The following TIAM1 variants were observed in gnomAD, a reference collection of about 807,000 sequenced individuals.
TIAM1 encodes TIAM Rac1 associated GEF 1.
TIAM1 carries 65 observed loss-of-function variants against 163.5 expected under a neutral mutation model. The observed-to-expected ratio is 0.40, with a 90% CI of 0.33 to 0.49. The LOEUF is 0.49. TIAM1 is among the 20% of genes least tolerant of loss of function. The pLI is 0.77. For missense variants in TIAM1, 1,789 were observed against 2,044.7 expected, an observed-to-expected ratio of 0.87 and a Z score of 2.41; for synonymous variants, 833 against 810.1, an observed-to-expected ratio of 1.03 and a Z score of -0.48.
At chr21:31,179,108 C>T (rs1007454706) in intron 15 of TIAM1, among the ~76,000 whole-genome samples, 38 of 151,838 alleles carry the variant, frequency 2.5e-4, no homozygotes, top group African/African-American at 7.2e-4. Flanking sequence ...GCAATGTGGC[C>T]GCACACAGTG....
chr21:31,361,836 A>AC (rs1388254463), intron 2 of TIAM1, among the ~76,000 whole-genome samples: 1 of 103,232 alleles, frequency 9.7e-6, no homozygotes. Context: ...AGGAAGAAAG[A>AC]TTAGATAGAT....
chr21:31,431,712 A>C (rs577294370), intron 2 of TIAM1, among the ~76,000 whole-genome samples: 1 of 152,384 alleles, frequency 6.6e-6, no homozygotes, highest in South Asian at 2.1e-4. Context: ...CAGATGGTAC[A>C]GCCTTTTGCT....
intron 6 of TIAM1, among the ~76,000 whole-genome samples, chr21:31,231,735 G>C (rs992490791): frequency 6.6e-6 from 1 of 152,146 alleles, no homozygotes; most frequent in Admixed American, 6.6e-5. Context: ...AGAGTTATGG[G>C]CCAGGCGGAA....
At chr21:31,550,802 G>C (rs148697842) in intron 1 of TIAM1, among the ~76,000 whole-genome samples, 1 of 152,250 alleles carries the variant, frequency 6.6e-6, no homozygotes, top group African/African-American at 2.4e-5. Flanking sequence ...AGAAGATCAG[G>C]ACATCCATTT....
intron 3 of TIAM1, among the ~76,000 whole-genome samples, chr21:31,275,288 A>G (rs957461743): frequency 2.0e-5 from 3 of 152,074 alleles, no homozygotes; most frequent in Non-Finnish European, 2.9e-5. Context: ...TAATGTTTTT[A>G]TAGTAAATAC....
chr21:31,227,910 C>T (rs73353329), intron 6 of TIAM1, among the ~76,000 whole-genome samples: 3,443 of 151,704 alleles, frequency 0.023, 145 homozygotes, highest in African/African-American at 0.079. Flanking sequence ...GTTATACTCC[C>T]AGCCCTTTTT....
At chr21:31,547,934 A>T (rs971470800) in intron 1 of TIAM1, among the ~76,000 whole-genome samples, 11 of 152,158 alleles carry the variant, frequency 7.2e-5, no homozygotes, top group African/African-American at 2.7e-4. Context: ...AAAGCCCAAA[A>T]CACCTGAAAT....
intron 2 of TIAM1, among the ~76,000 whole-genome samples, chr21:31,386,776 T>C (rs2076879345): frequency 6.6e-6 from 1 of 152,192 alleles, no homozygotes. Flanking sequence ...GAGAGGTGAC[T>C]GAAACAAGGT....
chr21:31,197,701 A>T (rs1184504584), intron 12 of TIAM1, among the ~76,000 whole-genome samples: 1 of 152,178 alleles, frequency 6.6e-6, no homozygotes. Flanking sequence ...AAGATCTATC[A>T]TCAAGACAAT....
chr21:31,406,588 CT>C (rs1205454110), intron 2 of TIAM1, among the ~76,000 whole-genome samples: 1 of 152,136 alleles, frequency 6.6e-6, no homozygotes, highest in Non-Finnish European at 1.5e-5. Flanking sequence ...GTCCCAAACT[CT>C]ACGAATGCAA....
At position 31,252,109 on chromosome 21, in the gene TIAM1, C is replaced by A. The variant is rs776247592; in HGVS notation, c.1044G>T (p.Arg348Ser). Residue 348 changes from arginine (R) to serine (S), a missense_variant, in exon 5 of 28, where the codon AGG (arginine) becomes AGT (serine). Coordinates refer to ENST00000541036, the MANE Select transcript of TIAM1 (RefSeq NM_001353694.2). Reference protein sequence around the residue: ...GATTDTDLLSRRSNATNSSYS... With the variant: ...GATTDTDLLSSRSNATNSSYS... Reference sequence around the variant, plus strand: ...AGCTGGAGTTGGTGGCATTAGATCGCCTGGACAGGAGGTCCGTGTCGGTAG... The same window carrying A: ...AGCTGGAGTTGGTGGCATTAGATCGACTGGACAGGAGGTCCGTGTCGGTAG... 6.2e-7 allele frequency: 1 copy of A among 1,613,664 alleles called. No homozygotes were observed. The highest frequency in any genetic ancestry group is 2.2e-5 in the East Asian group (1 of 44,884).
At position 31,141,702 on chromosome 21, in the gene TIAM1, G is replaced by A. The variant is rs1016551097; in HGVS notation, c.3476-198C>T. Among the ~76,000 whole-genome samples, 1 of 152,098 alleles carries A rather than the reference G, an allele frequency of 6.6e-6. No homozygotes were observed. Among genetic ancestry groups the A allele is most frequent in the Admixed American group, 6.6e-5 (1 of 15,266 alleles). ...GTCAGATCTATGTATTTATGTGTTG[G>A]GGGTGGGGTGGGGAGAAGCCTGATG... On this transcript the variant is annotated intron_variant, in intron 20 of 27. Transcript: ENST00000541036. The surrounding 1 kb of genome is among the most constrained non-coding windows in gnomAD (Gnocchi z 4.7).
At chr21:31,223,856 T>TC (rs931291195) in intron 7 of TIAM1, among the ~76,000 whole-genome samples, 1 of 152,146 alleles carries the variant, frequency 6.6e-6, no homozygotes, top group African/African-American at 2.4e-5. Context: ...GTCTATCAAC[T>TC]CCAAGATCTG....
At chr21:31,375,951 C>T (rs2076677601) in intron 2 of TIAM1, among the ~76,000 whole-genome samples, 1 of 151,950 alleles carries the variant, frequency 6.6e-6, no homozygotes, top group African/African-American at 2.4e-5. Flanking sequence ...CACTGGAATC[C>T]AGGAGGCAGA....
Position 31,225,768 on chromosome 21 carries a change from A to G in TIAM1, c.1767T>C (p.Ser589=), listed in dbSNP as rs1294691010. The G allele has an allele frequency of 6.2e-7, 1 of 1,613,824 alleles. No homozygotes were observed. ...TCTTTTTCTTTGAGTCAGTGACTGA[A>G]GACAGCTGCATTTCACCCATTTTCT... ...KMKKMGEMQL[S]SVTDSKKKKT... is the part of the protein sequence containing the mutation. The change falls in exon 7 of 28, where the codon TCT becomes TCC. Residue 589 remains serine (S), a synonymous_variant. Transcript: ENST00000541036.
intron 1 of TIAM1, among the ~76,000 whole-genome samples, chr21:31,474,567 T>TG (rs1412438437): frequency 9.5e-5 from 14 of 147,610 alleles, no homozygotes; most frequent in Non-Finnish European, 1.5e-5. Context: ...TTTTTTGAGA[T>TG]GGAGTTTCAC....
intron 10 of TIAM1, 29 bp from the exon 11 acceptor site, chr21:31,210,244 A>G: frequency 6.2e-7 from 1 of 1,609,828 alleles, no homozygotes; most frequent in Non-Finnish European, 8.5e-7. Flanking sequence ...TTAGCAGGGC[A>G]GCAGCAGTGG....
chr21:31,465,205 CA>C (rs1161257458), intron 1 of TIAM1, among the ~76,000 whole-genome samples: 8 of 150,384 alleles, frequency 5.3e-5, no homozygotes, highest in African/African-American at 1.2e-4. Flanking sequence ...GAACCTGTCT[CA>C]AAAAAAAATT....
At chr21:31,238,244 G>A (rs1053079053) in intron 6 of TIAM1, among the ~76,000 whole-genome samples, 1 of 152,158 alleles carries the variant, frequency 6.6e-6, no homozygotes, top group Non-Finnish European at 1.5e-5. Flanking sequence ...TACACAAACA[G>A]GTTTCATTCT....
Sources: allele counts gnomAD v4.1 joint callset (sites outside exome capture counted in the v4.1 genomes callset), GRCh38; gene constraint gnomAD v4.1.1; non-coding constraint Gnocchi (gnomAD v3.1); transcripts MANE v1.5; gene names NCBI Gene and HGNC (gene_info 2026-07-23, HGNC 2026-07-21).